Variants in NRG4 observed in about 807,000 individuals in gnomAD.
NRG4 encodes pro-neuregulin-4, membrane-bound isoform.
Under a neutral mutation model 15.0 loss-of-function variants are expected in NRG4, and 10 were observed. The observed-to-expected ratio is 0.67, with a 90% CI of 0.41 to 1.13. The LOEUF (loss-of-function observed/expected upper bound fraction) is 1.13, where lower values mean the gene tolerates loss of function less well. Ranked by LOEUF, NRG4 falls within the 50% of genes most tolerant of loss-of-function variation. The pLI is 0.00. For missense variants in NRG4, 139 were observed against 140.2 expected, an observed-to-expected ratio of 0.99 and a Z score of 0.04; for synonymous variants, 41 against 50.1, an observed-to-expected ratio of 0.82 and a Z score of 0.77.
At chr15:76,051,168 G>T (rs2036002687) in intron 4 of NRG4, among the ~76,000 whole-genome samples, 1 of 148,376 alleles carries the variant, frequency 6.7e-6, no homozygotes, top group Non-Finnish European at 1.5e-5. Context: ...ACTACGCCCG[G>T]CTAATTTTTT....
chr15:75,991,768 C>T (rs2034027233), intron 3 of NRG4, among the ~76,000 whole-genome samples: 1 of 151,940 alleles, frequency 6.6e-6, no homozygotes, highest in African/African-American at 2.4e-5. Flanking sequence ...CATATATGTA[C>T]CATTTATGAT....
intron 3 of NRG4, among the ~76,000 whole-genome samples, chr15:76,001,358 T>C (rs549577233): frequency 5.3e-5 from 8 of 152,276 alleles, no homozygotes; most frequent in Non-Finnish European, 7.4e-5. Context: ...AGTAATATAT[T>C]TTCACTTCAA....
intron 3 of NRG4, among the ~76,000 whole-genome samples, chr15:75,988,254 C>T (rs1461401003): frequency 6.6e-6 from 1 of 152,082 alleles, no homozygotes; most frequent in African/African-American, 2.4e-5. Context: ...GGCGCGATCT[C>T]GGCTCACTGC....
At chr15:75,950,255 A>G (rs1001393312) in intron 5 of NRG4, among the ~76,000 whole-genome samples, 2 of 152,088 alleles carry the variant, frequency 1.3e-5, no homozygotes, top group Admixed American at 6.6e-5. Context: ...TTAAATTTCC[A>G]TATCTAATTG....
chr15:76,055,824 TA>T (rs2036138299), intron 2 of NRG4, among the ~76,000 whole-genome samples: 1 of 152,164 alleles, frequency 6.6e-6, no homozygotes. Flanking sequence ...TTACTGGAAA[TA>T]AAAAACAGAC....
At chr15:76,030,227 C>G (rs928035974) in intron 5 of NRG4, among the ~76,000 whole-genome samples, 10 of 152,092 alleles carry the variant, frequency 6.6e-5, no homozygotes, top group African/African-American at 2.4e-4. Context: ...CCACTGCACT[C>G]CAGCCTAGGC....
intron 4 of NRG4, among the ~76,000 whole-genome samples, chr15:76,038,603 C>A (rs1045827140): frequency 6.6e-6 from 1 of 152,196 alleles, no homozygotes; most frequent in Non-Finnish European, 1.5e-5. Flanking sequence ...GAATACAACA[C>A]CAGGAAGACT....
rs71140189 is a variant in NRG4 at position 75,967,456 on chromosome 15, A to ATTTTTTTTTTT, written c.105-5493_105-5483dup. On this transcript the variant is annotated intron_variant, in intron 3 of 5. Coordinates refer to ENST00000394907, the MANE Select transcript of NRG4 (RefSeq NM_138573.4). ...GTCCAGTTATGAAGCAAAATCTTAGATTTTTTTTTTTTTTTTTTTTTTGAG... is the reference window on the plus strand; with the variant it reads ...GTCCAGTTATGAAGCAAAATCTTAGATTTTTTTTTTTTTTTTTTTTTTTTTTTTTTTTTGAG... 2.0e-5 allele frequency among the ~76,000 whole-genome samples: 2 copies of ATTTTTTTTTTT among 100,178 alleles called. 1 individual carries two copies. Among genetic ancestry groups the ATTTTTTTTTTT allele is most frequent in the East Asian group, 6.5e-4 (2 of 3,060 alleles). The allele number at this position is 100,178 out of a possible 152,430, so 65.7% of individuals were successfully genotyped here.
intron 4 of NRG4, among the ~76,000 whole-genome samples, chr15:76,042,024 G>A (rs909378568): frequency 6.6e-6 from 1 of 152,010 alleles, no homozygotes; most frequent in African/African-American, 2.4e-5. Context: ...AATAATGAGA[G>A]GGACTTTGGA....
At chr15:75,991,391 T>C (rs533024492) in intron 3 of NRG4, among the ~76,000 whole-genome samples, 1 of 152,306 alleles carries the variant, frequency 6.6e-6, no homozygotes, top group Admixed American at 6.5e-5. Context: ...ACTAACATCA[T>C]ACAAAAACAG....
chr15:76,008,703 C>G (rs995491527), intron 3 of NRG4, among the ~76,000 whole-genome samples: 5 of 152,070 alleles, frequency 3.3e-5, no homozygotes, highest in Admixed American at 3.3e-4. Context: ...GGCTAAGATA[C>G]CCTTCTTTTT....
In NRG4 at chr15:75,996,029, A is replaced by G. The variant is rs372758404; in HGVS notation, c.104+13171T>C. On this transcript the variant is annotated intron_variant, in intron 3 of 5. Transcript: ENST00000394907. ...TTGTTTTCTCTATATCCATTAAAAT[A>G]TTCTGATTACAAATTTGGCTTCCCA... is the stretch of plus-strand genomic sequence containing the variant. 1.4e-4 allele frequency among the ~76,000 whole-genome samples: 21 copies of G among 152,350 alleles called. No homozygotes were observed. In the East Asian group the frequency reaches 2.9e-3, roughly 21 times the overall value.
chr15:75,961,372 T>G (rs2032512975), intron 4 of NRG4, among the ~76,000 whole-genome samples: 1 of 152,164 alleles, frequency 6.6e-6, no homozygotes, highest in African/African-American at 2.4e-5. Flanking sequence ...TCTTTGAAGT[T>G]GGGAAACATG....
At chr15:76,039,780 C>T (rs1033820441) in intron 4 of NRG4, among the ~76,000 whole-genome samples, 1 of 152,138 alleles carries the variant, frequency 6.6e-6, no homozygotes, top group Non-Finnish European at 1.5e-5. Flanking sequence ...GTGGCTAACA[C>T]CTGTAATCCC....
At chr15:76,014,406 G>A (rs559356014), upstream of NRG4, among the ~76,000 whole-genome samples, 15 of 152,250 alleles carry the variant, frequency 9.9e-5, no homozygotes, top group East Asian at 7.7e-4. Context: ...TTTTAGTCAC[G>A]AAGTCTTTGC....
chr15:76,036,582 T>C (rs987741291), intron 4 of NRG4, among the ~76,000 whole-genome samples: 1 of 152,194 alleles, frequency 6.6e-6, no homozygotes, highest in Admixed American at 6.5e-5. Flanking sequence ...GAAAAATCAT[T>C]GTGTCTACTT....
At chr15:75,969,846 T>C (rs2033013000) in intron 3 of NRG4, among the ~76,000 whole-genome samples, 1 of 151,624 alleles carries the variant, frequency 6.6e-6, no homozygotes, top group African/African-American at 2.4e-5. Flanking sequence ...AACAGAGGAG[T>C]TGTTTTATGC....
At chr15:76,035,420 A>G (rs2035576518) in intron 5 of NRG4, among the ~76,000 whole-genome samples, 1 of 152,216 alleles carries the variant, frequency 6.6e-6, no homozygotes. Context: ...TTTTTATTTC[A>G]AGCTGGGCAC....
At chr15:76,016,050 C>T (rs187987966), upstream of NRG4, among the ~76,000 whole-genome samples, 91 of 152,242 alleles carry the variant, frequency 6.0e-4, no homozygotes, top group African/African-American at 2.0e-3. Context: ...TTCAGGGATT[C>T]GACTTCTTCC....
Sources: gnomAD v4.1 joint callset for allele counts (sites outside exome capture counted in the v4.1 genomes callset) on GRCh38, gnomAD v4.1.1 for gene constraint, MANE v1.5 for transcripts, NCBI Gene and HGNC (gene_info 2026-07-23, HGNC 2026-07-21) for gene names.